The following AASDHPPT variants were observed in gnomAD, a reference collection of about 807,000 sequenced individuals.
AASDHPPT encodes L-aminoadipate-semialdehyde dehydrogenase-phosphopantetheinyl transferase.
A neutral mutation model predicts 36.4 loss-of-function variants in AASDHPPT; 23 were observed. The observed-to-expected ratio is 0.63, with a 90% confidence interval of 0.45 to 0.89. The LOEUF (loss-of-function observed/expected upper bound fraction) is 0.89. Ranked by LOEUF, AASDHPPT falls within the 40% of genes least tolerant of loss-of-function variation. AASDHPPT has a pLI of 0.00. For synonymous variants in AASDHPPT, 115 were observed against 128.0 expected, an observed-to-expected ratio of 0.90 and a Z score of 0.68; for missense variants, 377 against 378.2, an observed-to-expected ratio of 1.00 and a Z score of 0.03.
At chr11:106,093,655 A>C (rs1414492516) in intron 4 of AASDHPPT, 1 of 152,172 alleles carries the variant, frequency 6.6e-6, no homozygotes, top group Non-Finnish European at 1.5e-5. Context: ...TTCTAATTGT[A>C]GTTTCTTCTG....
chr11:106,080,321 G>A (rs1209186972), intron 2 of AASDHPPT, among the ~76,000 whole-genome samples: 1 of 152,150 alleles, frequency 6.6e-6, no homozygotes, highest in Admixed American at 6.5e-5. Context: ...CCAGTCCCCA[G>A]TGGATACCAA....
intron 4 of AASDHPPT, 97 bp downstream of exon 4, chr11:106,091,574 C>A: frequency 1.6e-6 from 2 of 1,213,702 alleles, no homozygotes; most frequent in Non-Finnish European, 2.2e-6. Context: ...AATTTGGACG[C>A]AACTGAATCC....
At chr11:106,088,697 G>C (rs1000736127) in intron 2 of AASDHPPT, among the ~76,000 whole-genome samples, 19 of 152,080 alleles carry the variant, frequency 1.2e-4, no homozygotes, top group Admixed American at 1.0e-3. Context: ...TTATTGAGGG[G>C]CTTCTATTAA....
chr11:106,086,356 C>G (rs1249239124), intron 2 of AASDHPPT: 2 of 152,302 alleles, frequency 1.3e-5, no homozygotes, highest in African/African-American at 4.8e-5. Flanking sequence ...TGTCTCCTCT[C>G]TGTGTGTCTG....
intron 3 of AASDHPPT, 134 bp downstream of exon 3, chr11:106,090,812 T>C: frequency 8.1e-7 from 1 of 1,234,484 alleles, no homozygotes; most frequent in Non-Finnish European, 1.1e-6. Context: ...GAGAATTTTA[T>C]GGTTTTTATG....
At chr11:106,080,007 T>G (rs1041854568) in intron 2 of AASDHPPT, among the ~76,000 whole-genome samples, 7 of 152,202 alleles carry the variant, frequency 4.6e-5, no homozygotes, top group Admixed American at 3.3e-4. Flanking sequence ...CCACAATTTT[T>G]CAGTTAATTG....
At position 106,077,803 on chromosome 11, in the gene AASDHPPT, C is replaced by A; in HGVS notation, c.93C>A (p.Ala31=). The part of the protein sequence containing the change: ...FSCGTWLPSR[A]EWLLAVRSIQ... Reference sequence around the variant, plus strand: ...GCGGCACTTGGCTGCCGAGCCGAGCCGAATGGCTGCTGGCAGTGCGATCGA... The same window carrying A: ...GCGGCACTTGGCTGCCGAGCCGAGCAGAATGGCTGCTGGCAGTGCGATCGA... The change falls in exon 1 of 6, where the codon GCC becomes GCA. Residue 31 remains alanine, a synonymous_variant. Coordinates refer to ENST00000278618, the MANE Select transcript of AASDHPPT (RefSeq NM_015423.3). 6.2e-7 allele frequency: 1 copy of A among 1,614,160 alleles called. No individual in the cohort carries two copies. Among genetic ancestry groups the A allele is most frequent in the Non-Finnish European group, 8.5e-7 (1 of 1,180,016 alleles).
At position 106,097,173 on chromosome 11, in the gene AASDHPPT, T is replaced by C. The variant is rs923381072; in HGVS notation, c.*266T>C. On this transcript the variant is annotated 3_prime_UTR_variant, in exon 6 of 6. Transcript: ENST00000278618. ...GATACATGCTAACTGTAGAAAAAAA[T>C]AGAAAATGCACATAAGCAAAAGGAA... 1.1e-5 allele frequency: 3 copies of C among 282,332 alleles called. No homozygotes were observed. Among genetic ancestry groups the C allele is most frequent in the African/African-American group, 2.2e-5 (1 of 45,314 alleles). The allele number at this position is 282,332 out of a possible 1,614,324, so 17.5% of individuals were successfully genotyped here.
rs550834367 is a variant in AASDHPPT at position 106,085,353 on chromosome 11, G to C, written c.410-5204G>C. 6.6e-5 allele frequency among the ~76,000 whole-genome samples: 10 copies of C among 152,158 alleles called. No homozygotes were observed. In the South Asian group the frequency reaches 2.1e-3, roughly 32 times the overall value. On this transcript the variant is annotated intron_variant, in intron 2 of 5. Coordinates refer to ENST00000278618, the MANE Select transcript of AASDHPPT (RefSeq NM_015423.3). The stretch of plus-strand genomic sequence containing the variant: ...CCTGACCTCGTGATCTACCCGCCTC[G>C]GCCTCCCAAAGTGCTGGGATTACAG...
chr11:106,091,188 T>TA (rs1861253026), intron 3 of AASDHPPT, 128 bp from the exon 4 acceptor site: 3 of 746,774 alleles, frequency 4.0e-6, no homozygotes, highest in South Asian at 2.5e-5. Context: ...GGTTTTTTTT[T>TA]AAAAAGGTTA....
Position 106,082,555 on chromosome 11 carries a change from G to GTCT in AASDHPPT, c.409+2865_409+2867dup, listed in dbSNP as rs574106310. ...TTGAAAGAGTCAATTCCATTACTCTGTCTTGTCCTATAGGTAAGAATCCAC... is the reference window on the plus strand; with the variant it reads ...TTGAAAGAGTCAATTCCATTACTCTGTCTTCTTGTCCTATAGGTAAGAATCCAC... On this transcript the variant is annotated intron_variant, in intron 2 of 5. Transcript: ENST00000278618. 3.1e-3 allele frequency among the ~76,000 whole-genome samples: 475 copies of GTCT among 152,250 alleles called. 3 individuals are homozygous for GTCT. The highest frequency in any genetic ancestry group is 0.011 in the African/African-American group (439 of 41,538).
rs1044935754 is a variant in AASDHPPT, at chr11:106,098,460, A to G, written c.*1553A>G. On this transcript the variant is annotated 3_prime_UTR_variant, in exon 6 of 6. Coordinates refer to ENST00000278618, the MANE Select transcript of AASDHPPT (RefSeq NM_015423.3). Reference sequence around the variant, plus strand: ...TAATTTCATTGTTTCTGTTACTAACATTAAAAGTGTGCAAATTGTATAAAA... The same window carrying G: ...TAATTTCATTGTTTCTGTTACTAACGTTAAAAGTGTGCAAATTGTATAAAA... 1 of 152,068 alleles carries G rather than the reference A, an allele frequency of 6.6e-6. No individual in the cohort carries two copies. Among genetic ancestry groups the G allele is most frequent in the Non-Finnish European group, 1.5e-5 (1 of 67,956 alleles). 9.4% of individuals were successfully genotyped at this position (152,068 alleles called of 1,614,324 possible).
At chr11:106,094,743 A>AGTCTCTC in intron 5 of AASDHPPT, 89 bp downstream of exon 5, 1 of 996,048 alleles carries the variant, frequency 1.0e-6, no homozygotes, top group South Asian at 1.8e-5. Context: ...TTTGCCTTAT[A>AGTCTCTC]TCAGTTTAGA....
intron 2 of AASDHPPT, among the ~76,000 whole-genome samples, chr11:106,083,116 A>T (rs1436796159): frequency 6.6e-6 from 1 of 152,064 alleles, no homozygotes; most frequent in African/African-American, 2.4e-5. Flanking sequence ...TGTACTCTGA[A>T]TTCCTTACTG....
Position 106,096,917 on chromosome 11 carries a change from G to A in AASDHPPT, c.*10G>A, listed in dbSNP as rs368570555. ...TGGTACAAAGTCATGATGATTCCCT[G>A]AGTAACAAAGGGAAATGAAAACTGT... On this transcript the variant is annotated 3_prime_UTR_variant, in exon 6 of 6. Coordinates refer to ENST00000278618, the MANE Select transcript of AASDHPPT (RefSeq NM_015423.3). 1.0e-5 allele frequency: 16 copies of A among 1,581,538 alleles called. No individual in the cohort carries two copies. The African/African-American group carries it at 1.1e-4, about 11-fold the overall frequency.
chr11:106,094,583 G>C lies in AASDHPPT; in HGVS notation c.694G>C (p.Glu232Gln), dbSNP rs1421027750. The change falls in exon 5 of 6, where the codon GAA (glutamate) becomes CAA (glutamine). Residue 232 changes from glutamate (E) to glutamine (Q), a missense_variant and splice_region_variant. Physicochemically the swap from Glu to Gln is conservative, Grantham distance 29 (BLOSUM62 2). Transcript: ENST00000278618. The part of the protein sequence containing the change: ...GEEEKEWAFE[E>Q]SKIDEHHFVA... Reference sequence around the variant, plus strand: ...TATTTATTTACCTTTTATCTTTCAGGAAAGCAAAATAGATGAGCACCATTT... The same window carrying C: ...TATTTATTTACCTTTTATCTTTCAGCAAAGCAAAATAGATGAGCACCATTT... 10 of 1,599,870 alleles carry C rather than the reference G, an allele frequency of 6.3e-6. No homozygotes were observed. The highest frequency in any genetic ancestry group is 8.5e-6 in the Non-Finnish European group (10 of 1,173,638).
At chr11:106,090,872 A>G (rs537663752) in intron 3 of AASDHPPT, among the ~76,000 whole-genome samples, 194 bp downstream of exon 3, 21 of 133,284 alleles carry the variant, frequency 1.6e-4, no homozygotes, top group Admixed American at 1.1e-3. Flanking sequence ...AATTTAACCT[A>G]TATGTAATGC....
At chr11:106,086,384 A>G (rs1861197052) in intron 2 of AASDHPPT, 1 of 152,162 alleles carries the variant, frequency 6.6e-6, no homozygotes, top group Non-Finnish European at 1.5e-5. Context: ...TTGTAAGGAA[A>G]CCAGGCATTG....
At chr11:106,094,315 T>C in intron 4 of AASDHPPT, 1 of 269,430 alleles carries the variant, frequency 3.7e-6, no homozygotes, top group East Asian at 6.9e-5. Flanking sequence ...ATGTTAAACT[T>C]ACTGACGTTA....
Sources: allele counts gnomAD v4.1 joint callset (sites outside exome capture counted in the v4.1 genomes callset), GRCh38; gene constraint gnomAD v4.1.1; transcripts MANE v1.5; gene names NCBI Gene and HGNC (gene_info 2026-07-23, HGNC 2026-07-21).